PRKCZ: variants seen among roughly 807,000 people sequenced by gnomAD.
PRKCZ encodes protein kinase C zeta type.
Under a neutral mutation model 79.5 loss-of-function variants are expected in PRKCZ, and 33 were observed. The ratio of observed to expected loss-of-function variants is 0.41; its 90% confidence interval spans 0.31 to 0.55. The LOEUF (loss-of-function observed/expected upper bound fraction) is 0.55, where lower values mean the gene tolerates loss of function less well. PRKCZ is among the 20% of genes least tolerant of loss of function. PRKCZ has a pLI of 0.19. For missense variants in PRKCZ, 578 were observed against 813.5 expected (o/e 0.71, Z 3.52); for synonymous variants, 342 against 320.9 (o/e 1.07, Z -0.70).
intron 4 of PRKCZ, among the ~76,000 whole-genome samples, chr1:2,064,515 T>C (rs1194628850): frequency 3.3e-5 from 5 of 152,236 alleles, no homozygotes; most frequent in Non-Finnish European, 7.3e-5. Context: ...TATGTTTAGG[T>C]CATGGATTAT....
intron 9 of PRKCZ, among the ~76,000 whole-genome samples, chr1:2,155,697 T>C (rs1458986905): frequency 6.8e-6 from 1 of 146,912 alleles, no homozygotes; most frequent in Non-Finnish European, 1.5e-5. Flanking sequence ...GTGACAATGA[T>C]GACGGTAATG....
intron 3 of PRKCZ, among the ~76,000 whole-genome samples, chr1:2,059,037 C>T (rs542963728): frequency 1.3e-5 from 2 of 152,274 alleles, no homozygotes; most frequent in Non-Finnish European, 2.9e-5. Flanking sequence ...TGAAGCCATC[C>T]TCTCATCTCG....
intron 4 of PRKCZ, among the ~76,000 whole-genome samples, chr1:2,061,471 G>A (rs1039607394): frequency 6.6e-6 from 1 of 152,134 alleles, no homozygotes; most frequent in Non-Finnish European, 1.5e-5. Flanking sequence ...CATGGGGGTG[G>A]CAGCCGAGTC....
At chr1:2,154,670 C>T (rs754962700) in intron 9 of PRKCZ, among the ~76,000 whole-genome samples, 16 of 152,240 alleles carry the variant, frequency 1.1e-4, no homozygotes, top group Non-Finnish European at 1.9e-4. Context: ...TGTGATCCAG[C>T]CTATTTTGAC....
chr1:2,066,734 A>C lies in PRKCZ; in HGVS notation c.334+7143A>C, dbSNP rs149963128. On this transcript the variant is annotated intron_variant, in intron 4 of 17. Transcript: ENST00000378567. ...AGTGTAAAATTCGGTTGTTAATTTG[A>C]GATCTTTCTTGTTTTTTTATTTCAA... Among the ~76,000 whole-genome samples the C allele has an allele frequency of 2.3e-4, 35 of 152,194 alleles. 1 individual carries two copies. The East Asian group carries it at 6.8e-3, about 29-fold the overall frequency.
At chr1:2,093,037 G>A (rs1402165041) in intron 4 of PRKCZ, among the ~76,000 whole-genome samples, 2 of 152,216 alleles carry the variant, frequency 1.3e-5, no homozygotes, top group Non-Finnish European at 1.5e-5. Context: ...CCCACACGAG[G>A]CCGCGGTGCC....
At chr1:2,140,845 A>G (rs889367214) in intron 5 of PRKCZ, among the ~76,000 whole-genome samples, 1 of 152,060 alleles carries the variant, frequency 6.6e-6, no homozygotes, top group Non-Finnish European at 1.5e-5. Context: ...GCAGGTGCCT[A>G]TAATCCCAGC....
intron 4 of PRKCZ, among the ~76,000 whole-genome samples, chr1:2,084,561 G>T (rs1557521378): frequency 6.6e-6 from 1 of 152,246 alleles, no homozygotes; most frequent in Admixed American, 6.5e-5. Flanking sequence ...CTGCGGTCCT[G>T]TGTGCTCACC....
At chr1:2,179,109 A>C (rs1686043056) in intron 16 of PRKCZ, among the ~76,000 whole-genome samples, 1 of 152,218 alleles carries the variant, frequency 6.6e-6, no homozygotes, top group Non-Finnish European at 1.5e-5. Flanking sequence ...CCCGTCAGCC[A>C]GGCAGATCCA....
chr1:2,175,987 T>A (rs1313534084), intron 16 of PRKCZ, among the ~76,000 whole-genome samples: 1 of 152,196 alleles, frequency 6.6e-6, no homozygotes, highest in Non-Finnish European at 1.5e-5. Context: ...TATCAGCAGT[T>A]ACTGGACAGG....
intron 16 of PRKCZ, chr1:2,183,905 A>G (rs1227544412): frequency 6.6e-6 from 1 of 152,450 alleles, no homozygotes; most frequent in Non-Finnish European, 1.5e-5. Context: ...TTCAGACCCT[A>G]TTGTGGGTGA....
At chr1:2,119,437 A>G (rs1671423063) in intron 4 of PRKCZ, among the ~76,000 whole-genome samples, 1 of 152,026 alleles carries the variant, frequency 6.6e-6, no homozygotes, top group Admixed American at 6.5e-5. Flanking sequence ...CTGGTATCGA[A>G]TTCCTGGCCT....
At chr1:2,151,034 T>C in intron 9 of PRKCZ, 56 bp downstream of exon 9, 2 of 1,579,074 alleles carry the variant, frequency 1.3e-6, no homozygotes, top group East Asian at 2.2e-5. Flanking sequence ...CCCTGGGGCC[T>C]CCTCCGGGCT....
At position 2,067,639 on chromosome 1, in the gene PRKCZ, C is replaced by A. The variant is rs750993997; in HGVS notation, c.334+8048C>A. Among the ~76,000 whole-genome samples, 6 of 152,210 alleles carry A rather than the reference C, an allele frequency of 3.9e-5. No homozygotes were observed. In the East Asian group the frequency reaches 9.7e-4, roughly 25 times the overall value. Reference sequence around the variant, plus strand: ...CCCAGGGCCCATGAGGGTGGTGGCACGGGGGTCCGCATGAGGGGCCGCAGG... The same window carrying A: ...CCCAGGGCCCATGAGGGTGGTGGCAAGGGGGTCCGCATGAGGGGCCGCAGG... On this transcript the variant is annotated intron_variant, in intron 4 of 17. Transcript: ENST00000378567.
chr1:2,103,977 A>G (rs1296628161), intron 4 of PRKCZ, among the ~76,000 whole-genome samples: 1 of 152,232 alleles, frequency 6.6e-6, no homozygotes, highest in Non-Finnish European at 1.5e-5. Flanking sequence ...ACCCCTGCCC[A>G]ACATTTGGCT....
In PRKCZ at chr1:2,079,236, G is replaced by A. The variant is rs367842042; in HGVS notation, c.334+19645G>A. On this transcript the variant is annotated intron_variant, in intron 4 of 17. Transcript: ENST00000378567. ...TTATTCGTCCCGGCTGAGAAGCACC[G>A]CGGTATCATGTGGTGATTGAGCAGC... Among the ~76,000 whole-genome samples, 19 of 152,356 alleles carry A rather than the reference G, an allele frequency of 1.2e-4. No homozygotes were observed. In the East Asian group the frequency reaches 2.7e-3, roughly 22 times the overall value.
chr1:2,052,270 G>A lies in PRKCZ; in HGVS notation c.71+1569G>A, dbSNP rs377514398. On this transcript the variant is annotated intron_variant, in intron 1 of 17. Coordinates refer to ENST00000378567, the MANE Select transcript of PRKCZ (RefSeq NM_002744.6). ...TGCCACTGGAGTTCTGGGCCGCCCC[G>A]TCCTCCCTCTGCCTTGCTTTGGCCC... is the stretch of plus-strand genomic sequence containing the variant. 9.7e-4 allele frequency among the ~76,000 whole-genome samples: 147 copies of A among 152,268 alleles called. 4 individuals are homozygous for A. In the South Asian group the frequency reaches 0.029, roughly 30 times the overall value.
chr1:2,130,233 G>T (rs1242722550), intron 4 of PRKCZ, among the ~76,000 whole-genome samples: 3 of 152,220 alleles, frequency 2.0e-5, no homozygotes, highest in Admixed American at 2.0e-4. Flanking sequence ...AGTACAGGCT[G>T]CCCTGCTGTC....
chr1:2,096,535 G>A (rs1365697806), intron 4 of PRKCZ, among the ~76,000 whole-genome samples: 3 of 152,166 alleles, frequency 2.0e-5, no homozygotes, highest in Non-Finnish European at 2.9e-5. Context: ...CTCGGTGGGC[G>A]CTCAGAGGCG....
Sources: gnomAD v4.1 joint callset for allele counts (sites outside exome capture counted in the v4.1 genomes callset) on GRCh38, gnomAD v4.1.1 for gene constraint, MANE v1.5 for transcripts, NCBI Gene and HGNC (gene_info 2026-07-23, HGNC 2026-07-21) for gene names.